RCOR1: variants seen among roughly 807,000 people sequenced by gnomAD.
The protein encoded by RCOR1 is REST corepressor.
A neutral mutation model predicts 64.0 loss-of-function variants in RCOR1; 12 were observed. The ratio of observed to expected loss-of-function variants is 0.19; its 90% CI spans 0.12 to 0.30. RCOR1 has a LOEUF of 0.30. Among genes scored for constraint, RCOR1 ranks in the 10% least tolerant of loss-of-function variants. The probability of loss-of-function intolerance (pLI) is 1.00; values close to 1 mark genes in which losing one functional copy is unlikely to be tolerated. For missense variants in RCOR1, 502 were observed against 621.2 expected (o/e 0.81, Z 2.04); for synonymous variants, 279 against 227.2 (o/e 1.23, Z -2.05).
chr14:102,706,215 T>C (rs1395862444), intron 4 of RCOR1, among the ~76,000 whole-genome samples: 1 of 139,774 alleles, frequency 7.2e-6, no homozygotes, highest in Non-Finnish European at 1.5e-5. Context: ...AATAGCCAAA[T>C]GACAGAAGTC....
intron 2 of RCOR1, among the ~76,000 whole-genome samples, chr14:102,672,504 G>T (rs1309417436): frequency 6.6e-6 from 1 of 152,084 alleles, no homozygotes; most frequent in Non-Finnish European, 1.5e-5. Flanking sequence ...GAGCCACCAC[G>T]CCCGGCCTCT....
intron 2 of RCOR1, among the ~76,000 whole-genome samples, chr14:102,593,909 G>A (rs907899962): frequency 5.3e-5 from 8 of 152,250 alleles, no homozygotes; most frequent in African/African-American, 1.9e-4. Flanking sequence ...GGGGAAGAGA[G>A]TCTCGCGTGT....
rs185453276 is a variant in RCOR1, at chr14:102,687,656, T to C, written c.445+5678T>C. Among the ~76,000 whole-genome samples, 51 of 151,858 alleles carry C rather than the reference T, an allele frequency of 3.4e-4. No individual in the cohort carries two copies. The East Asian group carries it at 9.5e-3, about 28-fold the overall frequency. On this transcript the variant is annotated intron_variant, in intron 3 of 11. Coordinates refer to ENST00000262241, the MANE Select transcript of RCOR1 (RefSeq NM_015156.4). ...GCTTGAGATTTCAGCAACAAAGGAGTGAATGAAGTACAATCTGCCATCATG... is the reference window on the plus strand; with the variant it reads ...GCTTGAGATTTCAGCAACAAAGGAGCGAATGAAGTACAATCTGCCATCATG...
chr14:102,688,464 T>G (rs192264734), intron 3 of RCOR1, among the ~76,000 whole-genome samples: 1 of 152,326 alleles, frequency 6.6e-6, no homozygotes, highest in East Asian at 1.9e-4. Context: ...GAAAAGCTCT[T>G]GACAGTCCTG....
chr14:102,634,781 C>T (rs888057204), intron 2 of RCOR1, among the ~76,000 whole-genome samples: 1 of 151,774 alleles, frequency 6.6e-6, no homozygotes, highest in East Asian at 1.9e-4. Flanking sequence ...ACGACAACCT[C>T]TACCTCCCAG....
intron 2 of RCOR1, among the ~76,000 whole-genome samples, chr14:102,617,810 G>A (rs1300488774): frequency 6.6e-6 from 1 of 151,646 alleles, no homozygotes; most frequent in Non-Finnish European, 1.5e-5. Context: ...GACTGGTCTC[G>A]AACTCCTGAC....
chr14:102,623,508 A>C (rs1485885085), intron 2 of RCOR1, among the ~76,000 whole-genome samples: 1 of 151,554 alleles, frequency 6.6e-6, no homozygotes, highest in African/African-American at 2.4e-5. Context: ...TCCTGGGTTC[A>C]CGCCATTCTC....
At chr14:102,617,374 A>G (rs1329181526) in intron 2 of RCOR1, among the ~76,000 whole-genome samples, 1 of 152,162 alleles carries the variant, frequency 6.6e-6, no homozygotes, top group Non-Finnish European at 1.5e-5. Flanking sequence ...GCTTTCACAC[A>G]TTCCACTTGT....
chr14:102,721,796 C>G (rs534580635), intron 10 of RCOR1, among the ~76,000 whole-genome samples: 196 of 152,180 alleles, frequency 1.3e-3, no homozygotes, highest in African/African-American at 4.6e-3. Flanking sequence ...TTTCATTTTA[C>G]TAGTTACTCA....
chr14:102,697,127 C>T (rs1299427286), intron 3 of RCOR1, among the ~76,000 whole-genome samples: 3 of 152,174 alleles, frequency 2.0e-5, no homozygotes, highest in African/African-American at 7.2e-5. Context: ...AACAGCATTG[C>T]TTGTGCAGAT....
intron 2 of RCOR1, among the ~76,000 whole-genome samples, chr14:102,616,244 GTGTGTA>G (rs1417894978): frequency 3.8e-5 from 4 of 103,930 alleles, no homozygotes; most frequent in Non-Finnish European, 8.9e-5. Context: ...GTGTGTGTGT[GTGTGTA>G]TGTGTGTGTG....
chr14:102,660,963 G>A (rs1157677279), intron 2 of RCOR1, among the ~76,000 whole-genome samples: 1 of 152,178 alleles, frequency 6.6e-6, no homozygotes, highest in East Asian at 1.9e-4. Flanking sequence ...ATATTGCTCA[G>A]CTCTTTTTCA....
At chr14:102,627,101 TG>T (rs1441657818) in intron 2 of RCOR1, among the ~76,000 whole-genome samples, 1 of 152,114 alleles carries the variant, frequency 6.6e-6, no homozygotes, top group East Asian at 1.9e-4. Flanking sequence ...TTTATTTCAT[TG>T]GGGAAAAAAC....
chr14:102,609,509 G>T (rs554120514), intron 2 of RCOR1, among the ~76,000 whole-genome samples: 1 of 151,242 alleles, frequency 6.6e-6, no homozygotes, highest in Admixed American at 6.6e-5. Context: ...GTGCGATCTC[G>T]GCTCACTGCA....
At position 102,625,230 on chromosome 14, in the gene RCOR1, A is replaced by AG. The variant is rs1893955711; in HGVS notation, c.361+31905_361+31906insG. Among the ~76,000 whole-genome samples the AG allele has an allele frequency of 1.2e-4, 9 of 74,360 alleles. No individual in the cohort carries two copies. The Admixed American group carries it at 1.4e-3, about 12-fold the overall frequency. 48.8% of individuals were successfully genotyped at this position (74,360 alleles called of 152,430 possible). ...TCTTGCATTCCAGGTCTATCTTGTT[A>AG]CTTTTTTTTTTTTTTTTTTTTTTTT... is the stretch of plus-strand genomic sequence containing the variant. On this transcript the variant is annotated intron_variant, in intron 2 of 11. Transcript: ENST00000262241.
intron 4 of RCOR1, among the ~76,000 whole-genome samples, chr14:102,705,286 A>G (rs1895828447): frequency 6.6e-6 from 1 of 152,090 alleles, no homozygotes; most frequent in Non-Finnish European, 1.5e-5. Context: ...ATGTCCAAGT[A>G]TGTCTTTCAC....
rs114287951 is a variant in RCOR1, at chr14:102,647,774, A to T, written c.362-34121A>T. ...ACTCATTGCAGCCTCCGCCTCCCGG[A>T]TTCAGGGAGTTATCCTGCCTCAGCC... On this transcript the variant is annotated intron_variant, in intron 2 of 11. Coordinates refer to ENST00000262241, the MANE Select transcript of RCOR1 (RefSeq NM_015156.4). Among the ~76,000 whole-genome samples, 915 of 151,620 alleles carry T rather than the reference A, an allele frequency of 6.0e-3. 10 individuals are homozygous for T. The highest frequency in any genetic ancestry group is 0.021 in the African/African-American group (886 of 41,318).
At chr14:102,656,782 CTT>C (rs540519475) in intron 2 of RCOR1, among the ~76,000 whole-genome samples, 1 of 144,404 alleles carries the variant, frequency 6.9e-6, no homozygotes. Context: ...CTTTTCTTTT[CTT>C]TTTTTTTTTG....
chr14:102,707,339 T>C lies in RCOR1; in HGVS notation c.499-12T>C, dbSNP rs200786010. 5.2e-5 allele frequency: 81 copies of C among 1,566,368 alleles called. No homozygotes were observed. In the East Asian group the frequency reaches 6.4e-4, roughly 12 times the overall value. ...TGTTTGATCTAAAATTTTACTGATA[T>C]CATTTTTGTAGGCTCTTGGGATGCT... On this transcript the variant is annotated splice_polypyrimidine_tract_variant and intron_variant, in intron 4 of 11. Coordinates refer to ENST00000262241, the MANE Select transcript of RCOR1 (RefSeq NM_015156.4).
Sources: allele counts gnomAD v4.1 joint callset (sites outside exome capture counted in the v4.1 genomes callset), GRCh38; gene constraint gnomAD v4.1.1; transcripts MANE v1.5; gene names NCBI Gene and HGNC (gene_info 2026-07-23, HGNC 2026-07-21).